CSMD1: variants seen among roughly 807,000 people sequenced by gnomAD.
CSMD1 encodes the protein CUB and Sushi multiple domains 1.
In CSMD1, 213 loss-of-function variants were observed where a neutral mutation model predicts 417.5. That is an observed-to-expected ratio of 0.51 (90% CI 0.46 to 0.57). The LOEUF (loss-of-function observed/expected upper bound fraction) is 0.57, where lower values mean the gene tolerates loss of function less well. Ranked by LOEUF, CSMD1 falls within the 20% of genes least tolerant of loss-of-function variation. The pLI is 0.00. For missense variants in CSMD1, 6,923 were observed against 4,529.7 expected (o/e 1.53, Z -15.17); for synonymous variants, 2,862 against 1,736.8 (o/e 1.65, Z -16.11).
chr8:4,905,518 T>C (rs1805184456), intron 1 of CSMD1, among the ~76,000 whole-genome samples: 1 of 151,866 alleles, frequency 6.6e-6, no homozygotes, highest in Admixed American at 6.6e-5. Context: ...CATCACTAAC[T>C]CTCTAAAGAA....
intron 8 of CSMD1, among the ~76,000 whole-genome samples, chr8:3,594,759 G>A (rs1306840256): frequency 6.6e-6 from 1 of 152,136 alleles, no homozygotes; most frequent in Non-Finnish European, 1.5e-5. Context: ...TGGAAGAGTG[G>A]GAGGCTTGGG....
At chr8:3,545,585 G>C (rs1050967325) in intron 10 of CSMD1, among the ~76,000 whole-genome samples, 2 of 151,394 alleles carry the variant, frequency 1.3e-5, no homozygotes, top group East Asian at 1.9e-4. Flanking sequence ...TACCATGAAG[G>C]CTACTTATCA....
intron 47 of CSMD1, among the ~76,000 whole-genome samples, chr8:3,092,499 T>C (rs1815011156): frequency 1.3e-5 from 2 of 152,332 alleles, no homozygotes; most frequent in South Asian, 4.1e-4. Context: ...ACAAGTGGAA[T>C]TGGATATGGG....
chr8:3,803,938 C>G (rs539370208), intron 5 of CSMD1, among the ~76,000 whole-genome samples: 34 of 151,792 alleles, frequency 2.2e-4, no homozygotes, highest in Middle Eastern at 6.8e-3. Flanking sequence ...CTCTTTTTTT[C>G]TTTTTTTGAG....
At chr8:4,083,566 A>T (rs1189379224) in intron 3 of CSMD1, among the ~76,000 whole-genome samples, 1 of 152,144 alleles carries the variant, frequency 6.6e-6, no homozygotes, top group East Asian at 1.9e-4. Context: ...TCTTTGACAA[A>T]CCTGACAAAA....
At chr8:3,535,570 GATGAGAAATTACTTA>G (rs1279399790) in intron 10 of CSMD1, among the ~76,000 whole-genome samples, 15 of 152,066 alleles carry the variant, frequency 9.9e-5, no homozygotes, top group Admixed American at 9.2e-4. Context: ...GAAGAAGAAG[GATGAGAAATTACTTA>G]ATGAGAAATA....
intron 3 of CSMD1, among the ~76,000 whole-genome samples, chr8:4,100,070 A>C (rs1156326836): frequency 1.3e-5 from 2 of 152,188 alleles, no homozygotes; most frequent in South Asian, 2.1e-4. Context: ...AGAATCCAAG[A>C]AATTTGGGTT....
rs758061007 is a variant in CSMD1 at position 3,091,640 on chromosome 8, C to T, written c.7161G>A (p.Leu2387=). 25 of 1,610,178 alleles carry T rather than the reference C, an allele frequency of 1.6e-5. No individual in the cohort carries two copies. In the East Asian group the frequency reaches 5.6e-4, roughly 36 times the overall value. Residue 2387 remains leucine (L), a synonymous_variant, in exon 48 of 70, where the codon CTG becomes CTA. Coordinates refer to ENST00000635120, the MANE Select transcript of CSMD1 (RefSeq NM_033225.6). ...TATGATTCCCACTTAAGACTACTAG[C>T]AGAGGACTTTGCCCAGAAGAACCTA... is the stretch of plus-strand genomic sequence containing the variant. ...VFDGSSGQSP[L]LVVLSGNHTE...
intron 1 of CSMD1, among the ~76,000 whole-genome samples, chr8:4,983,159 T>C (rs955326288): frequency 1.3e-5 from 2 of 152,118 alleles, no homozygotes; most frequent in East Asian, 1.9e-4. Context: ...CAAAATAATA[T>C]CTTGAATATA....
At chr8:4,328,919 T>C (rs1317509806) in intron 3 of CSMD1, among the ~76,000 whole-genome samples, 1 of 152,228 alleles carries the variant, frequency 6.6e-6, no homozygotes, top group East Asian at 1.9e-4. Context: ...AGTGTGTTGT[T>C]TGCATTCGCT....
intron 3 of CSMD1, among the ~76,000 whole-genome samples, chr8:4,113,667 G>A (rs1441915734): frequency 1.3e-5 from 2 of 152,114 alleles, no homozygotes; most frequent in Admixed American, 6.5e-5. Flanking sequence ...ACCTCCCAAA[G>A]TGCTAGGATT....
At position 4,187,472 on chromosome 8, in the gene CSMD1, C is replaced by T. The variant is rs552736938; in HGVS notation, c.416-155373G>A. 5.5e-4 allele frequency among the ~76,000 whole-genome samples: 83 copies of T among 152,048 alleles called. No homozygotes were observed. In the Middle Eastern group the frequency reaches 0.017, roughly 31 times the overall value. ...CAGCCTGATCAACATGGTGAAACCC[C>T]GTCGCTACTAAAAATACAAAAAATC... is the stretch of plus-strand genomic sequence containing the variant. On this transcript the variant is annotated intron_variant, in intron 3 of 69. Coordinates refer to ENST00000635120, the MANE Select transcript of CSMD1 (RefSeq NM_033225.6).
intron 1 of CSMD1, among the ~76,000 whole-genome samples, chr8:4,884,211 GTGTGTGTGTGTA>G (rs1803583009): frequency 6.6e-6 from 1 of 151,844 alleles, no homozygotes; most frequent in Non-Finnish European, 1.5e-5. Flanking sequence ...CTTCGTGTGT[GTGTGTGTGTGTA>G]CACACACACA....
intron 54 of CSMD1, among the ~76,000 whole-genome samples, chr8:2,989,275 A>G (rs1365293282): frequency 6.6e-6 from 1 of 152,194 alleles, no homozygotes; most frequent in African/African-American, 2.4e-5. Flanking sequence ...TCCTCTTTGA[A>G]ATATTGTTTT....
At position 4,108,107 on chromosome 8, in the gene CSMD1, C is replaced by A. The variant is rs571635519; in HGVS notation, c.416-76008G>T. Among the ~76,000 whole-genome samples, 9 of 150,392 alleles carry A rather than the reference C, an allele frequency of 6.0e-5. No homozygotes were observed. The South Asian group carries it at 1.9e-3, about 32-fold the overall frequency. On this transcript the variant is annotated intron_variant, in intron 3 of 69. Coordinates refer to ENST00000635120, the MANE Select transcript of CSMD1 (RefSeq NM_033225.6). ...AGACAGAGAGAGAACAAGAAAAAGA[C>A]GGAGGAGGAGGAGGAGGAGGGTAGG...
intron 1 of CSMD1, among the ~76,000 whole-genome samples, chr8:4,925,537 C>CTTTTTTT (rs113682113): frequency 6.9e-6 from 1 of 145,908 alleles, no homozygotes. Context: ...CTGGCATTTT[C>CTTTTTTT]TTTTTTTTTT....
chr8:3,179,695 C>A (rs1034985484), intron 37 of CSMD1, among the ~76,000 whole-genome samples: 3 of 152,108 alleles, frequency 2.0e-5, no homozygotes, highest in African/African-American at 7.2e-5. Flanking sequence ...TACTAACTCC[C>A]CCAAAACTAT....
At chr8:3,159,510 G>C (rs941830385) in intron 38 of CSMD1, among the ~76,000 whole-genome samples, 2 of 152,162 alleles carry the variant, frequency 1.3e-5, no homozygotes, top group African/African-American at 2.4e-5. Flanking sequence ...AGACACTCAC[G>C]TGTGAACTAT....
Position 4,740,132 on chromosome 8 carries a change from C to A in CSMD1, c.86-102574G>T, listed in dbSNP as rs189744975. Among the ~76,000 whole-genome samples, 6 of 152,194 alleles carry A rather than the reference C, an allele frequency of 3.9e-5. No homozygotes were observed. The East Asian group carries it at 9.7e-4, about 25-fold the overall frequency. On this transcript the variant is annotated intron_variant, in intron 1 of 69. Transcript: ENST00000635120. The stretch of plus-strand genomic sequence containing the variant: ...TTTTATCTGTATCTCCATCATAATT[C>A]CCTCCCTGCAGGGATGACTGTGCAA...
Sources: allele counts gnomAD v4.1 joint callset (sites outside exome capture counted in the v4.1 genomes callset), GRCh38; gene constraint gnomAD v4.1.1; transcripts MANE v1.5; gene names NCBI Gene and HGNC (gene_info 2026-07-23, HGNC 2026-07-21).